TCERG1L: variants seen among roughly 807,000 people sequenced by gnomAD.
The protein encoded by TCERG1L is transcription elongation regulator 1-like protein.
A neutral mutation model predicts 56.3 loss-of-function variants in TCERG1L; 37 were observed. The observed-to-expected ratio is 0.66, with a 90% CI of 0.51 to 0.87. The LOEUF (loss-of-function observed/expected upper bound fraction) is 0.87, where lower values mean the gene tolerates loss of function less well. Among genes scored for constraint, TCERG1L ranks in the 40% least tolerant of loss-of-function variants. The pLI is 0.00. For synonymous variants in TCERG1L, 324 were observed against 326.3 expected (o/e 0.99, Z 0.08); for missense variants, 799 against 774.2 (o/e 1.03, Z -0.38).
At chr10:131,244,067 G>A (rs1003346904) in intron 4 of TCERG1L, among the ~76,000 whole-genome samples, 2 of 152,196 alleles carry the variant, frequency 1.3e-5, no homozygotes, top group Non-Finnish European at 2.9e-5. Flanking sequence ...GTCTAAAATT[G>A]ACACACCCAG....
At chr10:131,214,789 C>A (rs1845652414) in intron 4 of TCERG1L, among the ~76,000 whole-genome samples, 1 of 152,212 alleles carries the variant, frequency 6.6e-6, no homozygotes, top group Non-Finnish European at 1.5e-5. Context: ...CACCTACTGA[C>A]CATGTGCCCA....
intron 3 of TCERG1L, among the ~76,000 whole-genome samples, chr10:131,261,444 C>G (rs1424486129): frequency 6.6e-6 from 1 of 152,104 alleles, no homozygotes; most frequent in Admixed American, 6.5e-5. Flanking sequence ...GAATGAGGAG[C>G]TAGAAATATC....
At chr10:131,140,973 T>C (rs555439168) in intron 7 of TCERG1L, among the ~76,000 whole-genome samples, 2 of 152,222 alleles carry the variant, frequency 1.3e-5, no homozygotes, top group African/African-American at 4.8e-5. Context: ...TGGACTTCTC[T>C]GTATTCCTAG....
At chr10:131,250,329 A>G (rs1246147395) in intron 4 of TCERG1L, among the ~76,000 whole-genome samples, 2 of 134,908 alleles carry the variant, frequency 1.5e-5, no homozygotes, top group Non-Finnish European at 3.2e-5. Context: ...TGTCACTCAC[A>G]TGCCGAGCGG....
chr10:131,146,726 G>T, intron 6 of TCERG1L, 66 bp from the exon 7 acceptor site: 1 of 1,519,808 alleles, frequency 6.6e-7, no homozygotes, highest in Non-Finnish European at 8.9e-7. Context: ...TCGTTAGCAT[G>T]AACTCTCACT....
chr10:131,197,894 G>A (rs557084136), intron 4 of TCERG1L, among the ~76,000 whole-genome samples: 1 of 152,320 alleles, frequency 6.6e-6, no homozygotes, highest in South Asian at 2.1e-4. Context: ...CCAAATTCCT[G>A]TTATGTTTTG....
At chr10:131,159,898 C>T (rs993755970) in intron 6 of TCERG1L, among the ~76,000 whole-genome samples, 21 of 152,268 alleles carry the variant, frequency 1.4e-4, no homozygotes, top group East Asian at 3.9e-4. Flanking sequence ...GGTGCCTCCA[C>T]CTTTAAGGGT....
At chr10:131,251,056 G>T (rs563344856) in intron 4 of TCERG1L, among the ~76,000 whole-genome samples, 1 of 152,058 alleles carries the variant, frequency 6.6e-6, no homozygotes, top group Admixed American at 6.5e-5. Flanking sequence ...ACATCATCAC[G>T]CTCTCAGGCC....
chr10:131,152,372 C>T (rs1845874655), intron 6 of TCERG1L, among the ~76,000 whole-genome samples: 1 of 152,188 alleles, frequency 6.6e-6, no homozygotes, highest in African/African-American at 2.4e-5. Flanking sequence ...TAAAGCATAG[C>T]AAAAGTGGCC....
intron 3 of TCERG1L, among the ~76,000 whole-genome samples, chr10:131,303,699 C>A (rs1846792047): frequency 1.3e-5 from 2 of 152,036 alleles, no homozygotes; most frequent in African/African-American, 4.8e-5. Flanking sequence ...GCTTAAGAAT[C>A]TTTCTATGTT....
chr10:131,220,509 C>T (rs528304078), intron 4 of TCERG1L, among the ~76,000 whole-genome samples: 3 of 152,240 alleles, frequency 2.0e-5, no homozygotes, highest in Non-Finnish European at 4.4e-5. Context: ...GGCTACTCAA[C>T]TCTGGCTACT....
chr10:131,269,919 C>G (rs1198645830), intron 3 of TCERG1L, among the ~76,000 whole-genome samples: 1 of 152,150 alleles, frequency 6.6e-6, no homozygotes, highest in African/African-American at 2.4e-5. Context: ...GGTGAAGCCT[C>G]GCACCAAACC....
chr10:131,163,228 C>G lies in TCERG1L; in HGVS notation c.946-18G>C, dbSNP rs1840210366. ...GGAGGCTCCTTTCAACAGAAAGAGA[C>G]AGGGGAGTGGCTTTTAATTTTAAAC... is the stretch of plus-strand genomic sequence containing the variant. On this transcript the variant is annotated intron_variant, in intron 5 of 11. Coordinates refer to ENST00000368642, the MANE Select transcript of TCERG1L (RefSeq NM_174937.4). The G allele has an allele frequency of 1.3e-6, 2 of 1,500,510 alleles. No individual in the cohort carries two copies. The highest frequency in any genetic ancestry group is 5.2e-5 in the Admixed American group (2 of 38,194). The allele number at this position is 1,500,510 out of a possible 1,614,324, so 92.9% of individuals were successfully genotyped here. A position where few individuals can be genotyped will look rare whatever the true frequency, so the allele number is the denominator to read the frequency against.
chr10:131,309,436 G>C, intron 1 of TCERG1L, 137 bp from the exon 2 acceptor site: 2 of 1,184,646 alleles, frequency 1.7e-6, no homozygotes, highest in Non-Finnish European at 2.3e-6. Flanking sequence ...AAATTTCCTC[G>C]AGAAAAACTA....
In TCERG1L at chr10:131,092,503, T is replaced by C. The variant is rs1845190347; in HGVS notation, c.*659A>G. The C allele has an allele frequency of 6.6e-6, 1 of 152,642 alleles. No individual in the cohort carries two copies. The highest frequency in any genetic ancestry group is 2.4e-5 in the African/African-American group (1 of 41,450). The allele number at this position is 152,642 out of a possible 1,614,324, so 9.5% of individuals were successfully genotyped here. A position where few individuals can be genotyped will look rare whatever the true frequency, so the allele number is the denominator to read the frequency against. On this transcript the variant is annotated 3_prime_UTR_variant, in exon 12 of 12. Coordinates refer to ENST00000368642, the MANE Select transcript of TCERG1L (RefSeq NM_174937.4). The stretch of plus-strand genomic sequence containing the variant: ...ACAATAAAAATAACTCAAATATTAA[T>C]ATGATGATTTTGTACAAAATAATTC...
At chr10:131,266,802 G>A (rs1461515382) in intron 3 of TCERG1L, among the ~76,000 whole-genome samples, 4 of 152,096 alleles carry the variant, frequency 2.6e-5, no homozygotes, top group Non-Finnish European at 5.9e-5. Flanking sequence ...GTGGCTGGTC[G>A]TCCCTACATC....
intron 4 of TCERG1L, among the ~76,000 whole-genome samples, chr10:131,247,571 C>T (rs1846053043): frequency 6.7e-6 from 1 of 149,158 alleles, no homozygotes; most frequent in Admixed American, 6.6e-5. Flanking sequence ...GAGGAGTTAT[C>T]AGATGGTGAG....
chr10:131,274,764 C>G (rs1205461790), intron 3 of TCERG1L, among the ~76,000 whole-genome samples: 2 of 152,176 alleles, frequency 1.3e-5, no homozygotes, highest in Non-Finnish European at 2.9e-5. Flanking sequence ...GCTTTTCCAG[C>G]TGAGCTAAGC....
At chr10:131,127,352 G>T (rs772774046) in intron 8 of TCERG1L, among the ~76,000 whole-genome samples, 5 of 152,178 alleles carry the variant, frequency 3.3e-5, no homozygotes, top group Non-Finnish European at 4.4e-5. Flanking sequence ...CCAAGCACCA[G>T]CCAGCCCGTG....
Sources: allele counts gnomAD v4.1 joint callset (sites outside exome capture counted in the v4.1 genomes callset), GRCh38; gene constraint gnomAD v4.1.1; transcripts MANE v1.5; gene names NCBI Gene and HGNC (gene_info 2026-07-23, HGNC 2026-07-21).